MAP4: variants seen among roughly 807,000 people sequenced by gnomAD.
MAP4 encodes the protein microtubule associated protein 4, also known as microtubule-associated protein 4.
A neutral mutation model predicts 170.2 loss-of-function variants in MAP4; 76 were observed. The observed-to-expected ratio is 0.45, with a 90% CI of 0.37 to 0.54. The LOEUF (loss-of-function observed/expected upper bound fraction) is 0.54. Ranked by LOEUF, MAP4 falls within the 20% of genes least tolerant of loss-of-function variation. The pLI, the probability that MAP4 is intolerant of heterozygous loss-of-function variation, is 0.00. For missense variants in MAP4, 2,506 were observed against 2,748.0 expected, an observed-to-expected ratio of 0.91 and a Z score of 1.97; for synonymous variants, 909 against 994.5, an observed-to-expected ratio of 0.91 and a Z score of 1.62.
chr3:47,921,330 T>A (rs2100042745), intron 5 of MAP4, among the ~76,000 whole-genome samples: 1 of 152,188 alleles, frequency 6.6e-6, no homozygotes, highest in African/African-American at 2.4e-5. Context: ...GACACCAGAA[T>A]ATGCCACCCC....
chr3:47,947,662 T>C (rs749768616), intron 3 of MAP4, among the ~76,000 whole-genome samples: 74 of 151,394 alleles, frequency 4.9e-4, no homozygotes, highest in Non-Finnish European at 4.3e-4. Context: ...TACAAAAAAG[T>C]TAGCCAGGCG....
At chr3:47,987,404 G>T (rs2100089380) in intron 2 of MAP4, 2 of 1,533,208 alleles carry the variant, frequency 1.3e-6, no homozygotes, top group East Asian at 2.4e-5. Context: ...TGAAAAGAAA[G>T]GCTGGCAGGG....
intron 1 of MAP4, among the ~76,000 whole-genome samples, chr3:48,045,763 G>A (rs1372757782): frequency 2.6e-5 from 4 of 152,136 alleles, no homozygotes; most frequent in Admixed American, 1.3e-4. Flanking sequence ...GGATGGTCTC[G>A]ATCTCCTGAC....
intron 2 of MAP4, among the ~76,000 whole-genome samples, chr3:47,992,120 G>C (rs1578932783): frequency 6.6e-6 from 1 of 152,064 alleles, no homozygotes; most frequent in African/African-American, 2.4e-5. Context: ...GATGTATTCA[G>C]AAGAACATCT....
intron 10 of MAP4, among the ~76,000 whole-genome samples, chr3:47,896,603 A>T (rs1223538071): frequency 6.6e-6 from 1 of 152,156 alleles, no homozygotes; most frequent in East Asian, 1.9e-4. Flanking sequence ...TACTCCCTAT[A>T]GGGAATCTGA....
At chr3:48,042,552 C>G (rs2100122176) in intron 1 of MAP4, among the ~76,000 whole-genome samples, 1 of 151,566 alleles carries the variant, frequency 6.6e-6, no homozygotes, top group African/African-American at 2.4e-5. Context: ...AAGTCAAAAC[C>G]ACAATGAGAT....
intron 3 of MAP4, among the ~76,000 whole-genome samples, chr3:47,940,877 A>G (rs2100055853): frequency 6.6e-6 from 1 of 151,788 alleles, no homozygotes; most frequent in African/African-American, 2.4e-5. Context: ...GAGACCAGGA[A>G]TATTTTTTTC....
At chr3:48,002,577 T>C (rs1271058595) in intron 1 of MAP4, among the ~76,000 whole-genome samples, 1 of 151,098 alleles carries the variant, frequency 6.6e-6, no homozygotes, top group African/African-American at 2.4e-5. Context: ...CAAAAAATTT[T>C]TAAAAATAAA....
Position 47,855,415 on chromosome 3 carries a change from CA to C in MAP4, c.6584-56del. ...GGTGGCAGAGGAATATCCCTGCAGGCAAAACCAGGACTAGCGATATGCCCAA... is the reference window on the plus strand; with the variant it reads ...GGTGGCAGAGGAATATCCCTGCAGGCAAACCAGGACTAGCGATATGCCCAA... On this transcript the variant is annotated intron_variant, in intron 18 of 20. Coordinates refer to ENST00000683076, the MANE Select transcript of MAP4 (RefSeq NM_001385682.1). This position sits in a 1 kb window ranked among gnomAD's most constrained non-coding sequence, Gnocchi z 5.1. 1.9e-6 allele frequency: 2 copies of C among 1,074,178 alleles called. No individual in the cohort carries two copies. Among genetic ancestry groups the C allele is most frequent in the Non-Finnish European group, 2.9e-6 (2 of 687,778 alleles). 66.5% of individuals were successfully genotyped at this position (1,074,178 alleles called of 1,614,324 possible).
chr3:47,994,371 T>C (rs573215016), intron 2 of MAP4, among the ~76,000 whole-genome samples: 15 of 152,176 alleles, frequency 9.9e-5, no homozygotes, highest in Non-Finnish European at 1.8e-4. Flanking sequence ...GATGTAAATA[T>C]GGTAGCAACT....
intron 1 of MAP4, among the ~76,000 whole-genome samples, chr3:48,055,180 C>CT (rs1317168771): frequency 1.5e-4 from 5 of 33,364 alleles, no homozygotes; most frequent in African/African-American, 3.6e-4. Context: ...TAAAAAGTCT[C>CT]CCTCTCCCTC....
chr3:47,869,788 C>G (rs1234820028), intron 15 of MAP4, among the ~76,000 whole-genome samples: 1 of 152,074 alleles, frequency 6.6e-6, no homozygotes, highest in African/African-American at 2.4e-5. Context: ...TTCACTAGAT[C>G]AAGTCACTCA....
intron 10 of MAP4, among the ~76,000 whole-genome samples, chr3:47,901,672 TAA>T (rs1205531345): frequency 6.5e-5 from 9 of 138,758 alleles, no homozygotes; most frequent in East Asian, 2.1e-4. Context: ...AGACCCTATT[TAA>T]AAAAAAAAAA....
intron 1 of MAP4, among the ~76,000 whole-genome samples, chr3:48,027,053 CA>C (rs2100113484): frequency 6.6e-6 from 1 of 152,300 alleles, no homozygotes; most frequent in African/African-American, 2.4e-5. Context: ...GTCCAAAAAG[CA>C]GGTGAGAATC....
chr3:47,897,007 T>C (rs1297637105), intron 10 of MAP4, among the ~76,000 whole-genome samples: 3 of 152,206 alleles, frequency 2.0e-5, no homozygotes, highest in Non-Finnish European at 2.9e-5. Flanking sequence ...GGTTTGCCCA[T>C]GATCACATGG....
intron 16 of MAP4, among the ~76,000 whole-genome samples, chr3:47,868,874 T>C (rs766116291): frequency 6.6e-6 from 1 of 152,208 alleles, no homozygotes; most frequent in Non-Finnish European, 1.5e-5. Flanking sequence ...TGATAACGAA[T>C]GTGGGTGCAC....
upstream of MAP4, among the ~76,000 whole-genome samples, chr3:48,018,107 A>G (rs1351506162): frequency 1.3e-5 from 2 of 152,212 alleles, no homozygotes; most frequent in African/African-American, 4.8e-5. Flanking sequence ...TCGCAAAGTT[A>G]ATGTAATGCT....
At chr3:47,931,117 G>A (rs1193920569) in intron 3 of MAP4, among the ~76,000 whole-genome samples, 2 of 152,050 alleles carry the variant, frequency 1.3e-5, no homozygotes, top group African/African-American at 2.4e-5. Context: ...GTTCATGCCT[G>A]TAATCCCAGT....
intron 17 of MAP4, among the ~76,000 whole-genome samples, chr3:47,864,824 G>A (rs983907899): frequency 6.6e-6 from 1 of 152,140 alleles, no homozygotes; most frequent in Admixed American, 6.5e-5. Context: ...CCGAGATTAC[G>A]CCACTGCACT....
Sources: gnomAD v4.1 joint callset for allele counts (sites outside exome capture counted in the v4.1 genomes callset) on GRCh38, gnomAD v4.1.1 for gene constraint, Gnocchi (gnomAD v3.1) non-coding constraint, MANE v1.5 for transcripts, NCBI Gene and HGNC (gene_info 2026-07-23, HGNC 2026-07-21) for gene names.